Variants in OR6C74 observed in about 807,000 individuals in gnomAD.
OR6C74 encodes olfactory receptor family 6 subfamily C member 74, also known as olfactory receptor 6C74.
For synonymous variants in OR6C74, 142 were observed against 134.2 expected (o/e 1.06, Z -0.40); for missense variants, 361 against 362.9 (o/e 0.99, Z 0.04).
At position 55,255,239 on chromosome 12, in the gene OR6C74, C is replaced by G. The variant is rs1013530037; in HGVS notation, c.*7013C>G. ...GATTGTGTCTGCTCTACCCATGGAG[C>G]CCCCTCTGCATTGCACCCCCTGGGG... On this transcript the variant is annotated 3_prime_UTR_variant, in exon 2 of 2. Coordinates refer to ENST00000343399, the MANE Select transcript of OR6C74 (RefSeq NM_001005490.2). Among the ~76,000 whole-genome samples the G allele has an allele frequency of 4.6e-5, 7 of 152,168 alleles. No homozygotes were observed. In the South Asian group the frequency reaches 8.3e-4, roughly 18 times the overall value.
chr12:55,247,030 T>C (rs1440060650), intron 1 of OR6C74, among the ~76,000 whole-genome samples: 1 of 152,212 alleles, frequency 6.6e-6, no homozygotes, highest in Non-Finnish European at 1.5e-5. Flanking sequence ...ATGACTTTTA[T>C]CGATGCAACA....
chr12:55,250,541 T>A lies in OR6C74; in HGVS notation c.*2315T>A, dbSNP rs1954305517. On this transcript the variant is annotated 3_prime_UTR_variant, in exon 2 of 2. Coordinates refer to ENST00000343399, the MANE Select transcript of OR6C74 (RefSeq NM_001005490.2). ...ATGGGAAAAGATTAGTGAAGATCAT[T>A]TTTTACTTAATTTGAAATAAATCAC... Among the ~76,000 whole-genome samples, 1 of 152,106 alleles carries A rather than the reference T, an allele frequency of 6.6e-6. No homozygotes were observed. Among genetic ancestry groups the A allele is most frequent in the Non-Finnish European group, 1.5e-5 (1 of 67,988 alleles).
In OR6C74 at chr12:55,254,210, A is replaced by C. The variant is rs1330821162; in HGVS notation, c.*5984A>C. Among the ~76,000 whole-genome samples, 1 of 152,098 alleles carries C rather than the reference A, an allele frequency of 6.6e-6. No homozygotes were observed. Among genetic ancestry groups the C allele is most frequent in the Non-Finnish European group, 1.5e-5 (1 of 67,978 alleles). ...AAACCAGTGGTTACAATACTTTTTA[A>C]AGCTGCTAGCAAATACCCTTGTGAA... is the stretch of plus-strand genomic sequence containing the variant. On this transcript the variant is annotated 3_prime_UTR_variant, in exon 2 of 2. Transcript: ENST00000343399.
chr12:55,249,759 T>C lies in OR6C74; in HGVS notation c.*1533T>C, dbSNP rs563154567. Among the ~76,000 whole-genome samples, 2 of 151,934 alleles carry C rather than the reference T, an allele frequency of 1.3e-5. No individual in the cohort carries two copies. Among genetic ancestry groups the C allele is most frequent in the Admixed American group, 1.3e-4 (2 of 15,290 alleles). On this transcript the variant is annotated 3_prime_UTR_variant, in exon 2 of 2. Coordinates refer to ENST00000343399, the MANE Select transcript of OR6C74 (RefSeq NM_001005490.2). ...TTCTTTGCATCAGGAATTTAAGTTT[T>C]TTTTTATTATTATACTTTAAGTTCT... is the stretch of plus-strand genomic sequence containing the variant.
rs1339955145 is a variant in OR6C74, at chr12:55,250,919, A to T, written c.*2693A>T. ...GACAAGCTAGACTCAAGGTATGTCAATTGTCTATTACATAGCCTTCCTGCC... is the reference window on the plus strand; with the variant it reads ...GACAAGCTAGACTCAAGGTATGTCATTTGTCTATTACATAGCCTTCCTGCC... On this transcript the variant is annotated 3_prime_UTR_variant, in exon 2 of 2. Transcript: ENST00000343399. 2.0e-5 allele frequency among the ~76,000 whole-genome samples: 3 copies of T among 152,074 alleles called. No individual in the cohort carries two copies. Among genetic ancestry groups the T allele is most frequent in the Non-Finnish European group, 4.4e-5 (3 of 67,972 alleles).
In OR6C74 at chr12:55,252,271, A is replaced by C. The variant is rs1295688213; in HGVS notation, c.*4045A>C. Among the ~76,000 whole-genome samples, 1 of 151,850 alleles carries C rather than the reference A, an allele frequency of 6.6e-6. No individual in the cohort carries two copies. The highest frequency in any genetic ancestry group is 2.4e-5 in the African/African-American group (1 of 41,428). On this transcript the variant is annotated 3_prime_UTR_variant, in exon 2 of 2. Transcript: ENST00000343399. ...GTAATTATTGTGTGAAATGAACTGC[A>C]AGTCTTATTACAGTTTATTTTACCT...
chr12:55,252,322 A>G lies in OR6C74; in HGVS notation c.*4096A>G, dbSNP rs977925452. 1.3e-5 allele frequency among the ~76,000 whole-genome samples: 2 copies of G among 151,806 alleles called. No homozygotes were observed. The highest frequency in any genetic ancestry group is 2.4e-5 in the African/African-American group (1 of 41,416). On this transcript the variant is annotated 3_prime_UTR_variant, in exon 2 of 2. Coordinates refer to ENST00000343399, the MANE Select transcript of OR6C74 (RefSeq NM_001005490.2). ...TGTACTTAGTTATGTGGGTTGTTGT[A>G]GTGCAAAGTTAATGCTTCACAATAA... is the stretch of plus-strand genomic sequence containing the variant.
In OR6C74 at chr12:55,247,967, C is replaced by G. The variant is rs1175549880; in HGVS notation, c.680C>G (p.Pro227Arg). 6.2e-7 allele frequency: 1 copy of G among 1,613,646 alleles called. No homozygotes were observed. The highest frequency in any genetic ancestry group is 1.1e-5 in the South Asian group (1 of 91,072). Reference sequence around the variant, plus strand: ...ATTATCAGGACTATTCTGAAAATACCTTCTTCTCAACAGAGAAAAAAAGCA... The same window carrying G: ...ATTATCAGGACTATTCTGAAAATACGTTCTTCTCAACAGAGAAAAAAAGCA... ...TNIIRTILKI[P>R]SSQQRKKAFS... Residue 227 changes from proline (P) to arginine (R), a missense_variant, in exon 2 of 2, where the codon CCT (proline) becomes CGT (arginine). Coordinates refer to ENST00000343399, the MANE Select transcript of OR6C74 (RefSeq NM_001005490.2).
chr12:55,245,032 T>C (rs1030562031), intron 1 of OR6C74, among the ~76,000 whole-genome samples: 3 of 152,122 alleles, frequency 2.0e-5, no homozygotes, highest in Non-Finnish European at 4.4e-5. Context: ...AAAAATTATG[T>C]CTTTATTTTA....
rs1770113513 is a variant in OR6C74, at chr12:55,249,486, G to A, written c.*1260G>A. 1.5e-5 allele frequency among the ~76,000 whole-genome samples: 2 copies of A among 129,882 alleles called. No homozygotes were observed. Among genetic ancestry groups the A allele is most frequent in the South Asian group, 4.9e-4 (2 of 4,086 alleles). 85.2% of individuals were successfully genotyped at this position (129,882 alleles called of 152,430 possible). A position where few individuals can be genotyped will look rare whatever the true frequency, so the allele number is the denominator to read the frequency against. On this transcript the variant is annotated 3_prime_UTR_variant, in exon 2 of 2. Coordinates refer to ENST00000343399, the MANE Select transcript of OR6C74 (RefSeq NM_001005490.2). ...TGTATTTCCAAGTGTATATAACTTT[G>A]TCATATCCCCAGGCTAGCAAGAAAT...
At chr12:55,246,888 A>T (rs1954273161) in intron 1 of OR6C74, among the ~76,000 whole-genome samples, 1 of 151,374 alleles carries the variant, frequency 6.6e-6, no homozygotes, top group South Asian at 2.1e-4. Flanking sequence ...ACAAACACAG[A>T]AAAAAACTTC....
Position 55,256,560 on chromosome 12 carries a change from A to G in OR6C74, c.*8334A>G, listed in dbSNP as rs761910756. Reference sequence around the variant, plus strand: ...CTATATTGTAAACTCTTATCTCTGTATACTGTACTTCTGCATACAGATGTT... The same window carrying G: ...CTATATTGTAAACTCTTATCTCTGTGTACTGTACTTCTGCATACAGATGTT... On this transcript the variant is annotated 3_prime_UTR_variant, in exon 2 of 2. Coordinates refer to ENST00000343399, the MANE Select transcript of OR6C74 (RefSeq NM_001005490.2). Among the ~76,000 whole-genome samples, 1 of 152,106 alleles carries G rather than the reference A, an allele frequency of 6.6e-6. No individual in the cohort carries two copies. The highest frequency in any genetic ancestry group is 1.5e-5 in the Non-Finnish European group (1 of 67,988).
In OR6C74 at chr12:55,256,299, G is replaced by A. The variant is rs1053273572; in HGVS notation, c.*8073G>A. Reference sequence around the variant, plus strand: ...CACCTGTTCATATGGATAAGATAGGGCTATAAACGCCCTCATCTTGCCACA... The same window carrying A: ...CACCTGTTCATATGGATAAGATAGGACTATAAACGCCCTCATCTTGCCACA... On this transcript the variant is annotated 3_prime_UTR_variant, in exon 2 of 2. Coordinates refer to ENST00000343399, the MANE Select transcript of OR6C74 (RefSeq NM_001005490.2). Among the ~76,000 whole-genome samples the A allele has an allele frequency of 1.3e-5, 2 of 151,990 alleles. No individual in the cohort carries two copies. Among genetic ancestry groups the A allele is most frequent in the Non-Finnish European group, 2.9e-5 (2 of 67,978 alleles).
intron 1 of OR6C74, among the ~76,000 whole-genome samples, chr12:55,245,586 A>G (rs752499701): frequency 1.2e-4 from 19 of 152,158 alleles, no homozygotes; most frequent in Non-Finnish European, 2.4e-4. Flanking sequence ...TGACTATTTT[A>G]CTATCACCCA....
rs1954321565 is a variant in OR6C74, at chr12:55,253,094, G to GTGCAAAGGGCTAGAA, written c.*4869_*4870insGCAAAGGGCTAGAAT. ...GAATAAATGATGGCAAAGGGCTAGA[G>GTGCAAAGGGCTAGAA]TACAAAGGTATACCATTTTATTTGC... On this transcript the variant is annotated 3_prime_UTR_variant, in exon 2 of 2. Transcript: ENST00000343399. Among the ~76,000 whole-genome samples the GTGCAAAGGGCTAGAA allele has an allele frequency of 6.6e-6, 1 of 151,974 alleles. No individual in the cohort carries two copies. Among genetic ancestry groups the GTGCAAAGGGCTAGAA allele is most frequent in the Non-Finnish European group, 1.5e-5 (1 of 67,934 alleles).
In OR6C74 at chr12:55,248,208, AC is replaced by A; in HGVS notation, c.922del (p.Leu308PhefsTer4). ...VFKHTVKKIE[L>X]FSMK ...TTAAGCACACAGTCAAAAAGATTGA[AC>A]TTTTCTCAATGAAATGAATCACTTT... On this transcript the variant is annotated frameshift_variant, in exon 2 of 2. Coordinates refer to ENST00000343399, the MANE Select transcript of OR6C74 (RefSeq NM_001005490.2). LOFTEE classifies it high-confidence loss of function. 6.2e-7 allele frequency: 1 copy of A among 1,601,444 alleles called. No individual in the cohort carries two copies. Among genetic ancestry groups the A allele is most frequent in the Non-Finnish European group, 8.5e-7 (1 of 1,170,690 alleles).
In OR6C74 at chr12:55,247,667, C is replaced by T. The variant is rs745911586; in HGVS notation, c.380C>T (p.Pro127Leu). The change falls in exon 2 of 2, where the codon CCC becomes CTC. Residue 127 changes from proline to leucine, a missense_variant. Pro to Leu is a moderately conservative substitution (Grantham distance 98, BLOSUM62 -3). Coordinates refer to ENST00000343399, the MANE Select transcript of OR6C74 (RefSeq NM_001005490.2). The stretch of plus-strand genomic sequence containing the variant: ...GAGCGCTATGTGGCCATCTGCAAAC[C>T]CCTGCATTACACCACCATCATGAGC... ...SYERYVAICK[P>L]LHYTTIMSSR... The T allele has an allele frequency of 8.4e-5, 136 of 1,613,824 alleles. No homozygotes were observed. The highest frequency in any genetic ancestry group is 1.1e-4 in the Non-Finnish European group (131 of 1,179,982).
At position 55,247,757 on chromosome 12, in the gene OR6C74, C is replaced by A. The variant is rs1284870608; in HGVS notation, c.470C>A (p.Pro157Gln). ...GCTGGCTTCCTAATAATTTTTCCGC[C>A]ACTCCTGATGGGTCTCCAGCTTGAT... Reference protein sequence around the residue: ...WMAGFLIIFPPLLMGLQLDFC... With the variant: ...WMAGFLIIFPQLLMGLQLDFC... The change falls in exon 2 of 2, where the codon CCA (proline) becomes CAA (glutamine). Residue 157 changes from proline to glutamine, a missense_variant. By Grantham distance (76) the Pro-to-Gln change is moderately conservative. Coordinates refer to ENST00000343399, the MANE Select transcript of OR6C74 (RefSeq NM_001005490.2). 1.2e-6 allele frequency: 2 copies of A among 1,613,810 alleles called. No individual in the cohort carries two copies. Among genetic ancestry groups the A allele is most frequent in the Non-Finnish European group, 1.7e-6 (2 of 1,179,968 alleles).
In OR6C74 at chr12:55,253,677, A is replaced by C. The variant is rs145625711; in HGVS notation, c.*5451A>C. Among the ~76,000 whole-genome samples the C allele has an allele frequency of 7.8e-3, 1,180 of 152,198 alleles. 11 individuals carry two copies. Among genetic ancestry groups the C allele is most frequent in the African/African-American group, 0.027 (1,112 of 41,548 alleles). ...TGTAATTAAGCTTAGCTCAGAAATGAGGTGGAATAACCTCTGAAAAATCCA... is the reference window on the plus strand; with the variant it reads ...TGTAATTAAGCTTAGCTCAGAAATGCGGTGGAATAACCTCTGAAAAATCCA... On this transcript the variant is annotated 3_prime_UTR_variant, in exon 2 of 2. Transcript: ENST00000343399.
Sources: allele counts gnomAD v4.1 joint callset (sites outside exome capture counted in the v4.1 genomes callset), GRCh38; gene constraint gnomAD v4.1.1; transcripts MANE v1.5; gene names NCBI Gene and HGNC (gene_info 2026-07-23, HGNC 2026-07-21).